EML4: variants seen among roughly 807,000 people sequenced by gnomAD.
EML4 encodes the protein EMAP like 4, also known as echinoderm microtubule-associated protein-like 4.
A neutral mutation model predicts 129.0 loss-of-function variants in EML4; 72 were observed. The ratio of observed to expected loss-of-function variants is 0.56; its 90% CI spans 0.46 to 0.68. The LOEUF (loss-of-function observed/expected upper bound fraction) is 0.68, where lower values mean the gene tolerates loss of function less well. EML4 is among the 30% of genes least tolerant of loss of function. The pLI is 0.00. For synonymous variants in EML4, 532 were observed against 405.0 expected (o/e 1.31, Z -3.77); for missense variants, 1,363 against 1,190.6 (o/e 1.14, Z -2.13).
chr2:42,252,415 C>G (rs1323940549), intron 2 of EML4, among the ~76,000 whole-genome samples: 1 of 152,186 alleles, frequency 6.6e-6, no homozygotes, highest in Non-Finnish European at 1.5e-5. Flanking sequence ...CTCTTGGTCC[C>G]CACCATCTTA....
chr2:42,183,983 C>G (rs913391197), intron 1 of EML4, among the ~76,000 whole-genome samples: 1 of 152,106 alleles, frequency 6.6e-6, no homozygotes, highest in Non-Finnish European at 1.5e-5. Flanking sequence ...GGCCCTCTTT[C>G]TTTCCGGACT....
rs1558619550 is a variant in EML4, at chr2:42,330,132, A to C, written c.2871A>C (p.Pro957=). Reference sequence around the variant, plus strand: ...TTGGTGAGCCTCTTTATGAAGAGCCATGCAACGAGATAAGCAAGGAGCAGG... The same window carrying C: ...TTGGTGAGCCTCTTTATGAAGAGCCCTGCAACGAGATAAGCAAGGAGCAGG... ...GDLGEPLYEE[P]CNEISKEQAK... is the part of the protein sequence containing the mutation. The change falls in exon 23 of 23, where the codon CCA becomes CCC. Residue 957 remains proline, a synonymous_variant. Coordinates refer to ENST00000318522, the MANE Select transcript of EML4 (RefSeq NM_019063.5). 6 of 1,612,252 alleles carry C rather than the reference A, an allele frequency of 3.7e-6. No individual in the cohort carries two copies. Among genetic ancestry groups the C allele is most frequent in the Non-Finnish European group, 5.1e-6 (6 of 1,179,734 alleles).
intron 17 of EML4, among the ~76,000 whole-genome samples, chr2:42,311,420 G>C (rs1027839015): frequency 6.6e-6 from 1 of 152,178 alleles, no homozygotes; most frequent in Admixed American, 6.5e-5. Flanking sequence ...AGGCGTGGTA[G>C]CACATGCTTT....
chr2:42,201,205 A>C (rs568447092), intron 1 of EML4, among the ~76,000 whole-genome samples: 19 of 152,358 alleles, frequency 1.2e-4, no homozygotes, highest in Non-Finnish European at 2.1e-4. Context: ...GCTATTAAGT[A>C]AATATATAAA....
rs1364083391 is a variant in EML4 at position 42,329,814 on chromosome 2, A to C, written c.2553A>C (p.Ser851=). The C allele has an allele frequency of 1.2e-6, 2 of 1,614,158 alleles. No homozygotes were observed. The highest frequency in any genetic ancestry group is 3.3e-5 in the Admixed American group (2 of 60,028). Reference sequence around the variant, plus strand: ...CTCACAATGACAGTCACCTGATATCAACTGGTGGAAAAGACATGAGCATCA... The same window carrying C: ...CTCACAATGACAGTCACCTGATATCCACTGGTGGAAAAGACATGAGCATCA... The part of the protein sequence containing the change: ...SFTHNDSHLI[S]TGGKDMSIIQ... Residue 851 remains serine, a synonymous_variant, in exon 23 of 23, where the codon TCA becomes TCC. Transcript: ENST00000318522.
chr2:42,250,669 C>T (rs1319603590), intron 2 of EML4, among the ~76,000 whole-genome samples: 2 of 151,966 alleles, frequency 1.3e-5, no homozygotes, highest in Admixed American at 1.3e-4. Context: ...TATGGCATAG[C>T]CCAGTGGTCA....
chr2:42,204,145 C>T (rs1198252309), intron 1 of EML4, among the ~76,000 whole-genome samples: 1 of 152,040 alleles, frequency 6.6e-6, no homozygotes, highest in African/African-American at 2.4e-5. Context: ...GTCTCAAACT[C>T]CTGGGCTCAA....
rs76769735 is a variant in EML4, at chr2:42,268,533, C to A, written c.667+3802C>A. 5.5e-3 allele frequency among the ~76,000 whole-genome samples: 842 copies of A among 152,204 alleles called. 9 individuals carry two copies. The highest frequency in any genetic ancestry group is 0.019 in the African/African-American group (792 of 41,520). ...ACTCACTGCAGCCTTGAACTCCGAG[C>A]TTGAGTGACCCTCCTGCCTCAGCCT... On this transcript the variant is annotated intron_variant, in intron 6 of 22. Transcript: ENST00000318522.
intron 14 of EML4, among the ~76,000 whole-genome samples, chr2:42,302,368 C>G (rs1380322362): frequency 1.3e-5 from 2 of 151,878 alleles, no homozygotes; most frequent in Non-Finnish European, 1.5e-5. Flanking sequence ...TATTTTGATC[C>G]TTACAACAAT....
intron 1 of EML4, among the ~76,000 whole-genome samples, chr2:42,215,451 T>TC (rs1673127817): frequency 6.6e-6 from 1 of 152,220 alleles, no homozygotes; most frequent in South Asian, 2.1e-4. Context: ...CTATAAAAGC[T>TC]TCCAGGGTAC....
chr2:42,204,031 C>T (rs1672394249), intron 1 of EML4, among the ~76,000 whole-genome samples: 2 of 152,006 alleles, frequency 1.3e-5, no homozygotes, highest in African/African-American at 4.8e-5. Context: ...GGGATCCTCC[C>T]ACCTCAGCCC....
At chr2:42,269,290 T>C (rs985818344) in intron 6 of EML4, among the ~76,000 whole-genome samples, 7 of 152,218 alleles carry the variant, frequency 4.6e-5, no homozygotes, top group Non-Finnish European at 1.0e-4. Context: ...ATTTATAAAA[T>C]TGGGGAAAGG....
intron 17 of EML4, among the ~76,000 whole-genome samples, chr2:42,311,411 G>T (rs1003728913): frequency 2.0e-5 from 3 of 152,132 alleles, no homozygotes; most frequent in African/African-American, 7.2e-5. Context: ...AAATTAGCCA[G>T]GCGTGGTAGC....
At chr2:42,261,066 A>AT (rs937544796) in intron 3 of EML4, 55 bp from the exon 4 acceptor site, 107 of 1,336,916 alleles carry the variant, frequency 8.0e-5, no homozygotes, top group African/African-American at 1.6e-4. Context: ...CTATCGTTTG[A>AT]TTTTTTTTCA....
intron 1 of EML4, among the ~76,000 whole-genome samples, chr2:42,241,208 A>ATG (rs1675009094): frequency 6.6e-6 from 1 of 152,110 alleles, no homozygotes; most frequent in Admixed American, 6.5e-5. Context: ...ACCAGAGTTA[A>ATG]TGCACTATTC....
Position 42,220,653 on chromosome 2 carries a change from C to G in EML4, c.26-24852C>G, listed in dbSNP as rs114578920. On this transcript the variant is annotated intron_variant, in intron 1 of 22. Coordinates refer to ENST00000318522, the MANE Select transcript of EML4 (RefSeq NM_019063.5). ...CAAGTGAAAGGAAGAGTGCACGTTT[C>G]TCACTTTAAATCAAAAGCTAGAAAT... Among the ~76,000 whole-genome samples, 1,070 of 152,218 alleles carry G rather than the reference C, an allele frequency of 7.0e-3. 11 individuals carry two copies. The highest frequency in any genetic ancestry group is 0.025 in the African/African-American group (1,018 of 41,544).
chr2:42,203,084 G>A (rs1672333788), intron 1 of EML4, among the ~76,000 whole-genome samples: 1 of 152,112 alleles, frequency 6.6e-6, no homozygotes, highest in African/African-American at 2.4e-5. Context: ...TAGAATAGTG[G>A]ATTTTAAATG....
chr2:42,261,231 C>G lies in EML4; in HGVS notation c.449C>G (p.Ser150Cys). The G allele has an allele frequency of 1.2e-6, 2 of 1,614,070 alleles. No individual in the cohort carries two copies. Among genetic ancestry groups the G allele is most frequent in the Non-Finnish European group, 1.7e-6 (2 of 1,179,974 alleles). ...CGAGCATCACCTTCTCCCCAGCCCT[C>G]TTCACAACCTCTCCAAATACACAGA... ...QIRASPSPQP[S>C]SQPLQIHRQT... Residue 150 changes from serine (S) to cysteine (C), a missense_variant, in exon 4 of 23, where the codon TCT (serine) becomes TGT (cysteine). Coordinates refer to ENST00000318522, the MANE Select transcript of EML4 (RefSeq NM_019063.5).
intron 6 of EML4, among the ~76,000 whole-genome samples, chr2:42,277,905 G>T (rs567660424): frequency 1.3e-5 from 2 of 152,252 alleles, no homozygotes; most frequent in South Asian, 4.2e-4. Flanking sequence ...AATACTTGCA[G>T]ACATTCAAGA....
Sources: allele counts gnomAD v4.1 joint callset (sites outside exome capture counted in the v4.1 genomes callset), GRCh38; gene constraint gnomAD v4.1.1; transcripts MANE v1.5; gene names NCBI Gene and HGNC (gene_info 2026-07-23, HGNC 2026-07-21).